ADGRB3: variants seen among roughly 807,000 people sequenced by gnomAD.
The protein encoded by ADGRB3 is adhesion G protein-coupled receptor B3.
A neutral mutation model predicts 193.4 loss-of-function variants in ADGRB3; 37 were observed. The ratio of observed to expected loss-of-function variants is 0.19; its 90% CI spans 0.15 to 0.25. The LOEUF is 0.25. ADGRB3 is among the 10% of genes least tolerant of loss of function. The pLI, the probability that ADGRB3 is intolerant of heterozygous loss-of-function variation, is 1.00. For synonymous variants in ADGRB3, 690 were observed against 644.2 expected, an observed-to-expected ratio of 1.07 and a Z score of -1.08; for missense variants, 1,637 against 1,852.9, an observed-to-expected ratio of 0.88 and a Z score of 2.14.
chr6:68,837,250 C>A (rs72901280), intron 3 of ADGRB3, among the ~76,000 whole-genome samples: 4,713 of 152,240 alleles, frequency 0.031, 107 homozygotes, highest in Non-Finnish European at 0.045. Context: ...AAACCTGCTG[C>A]TTTTGATACT....
intron 3 of ADGRB3, among the ~76,000 whole-genome samples, chr6:68,798,808 G>GT (rs1488198013): frequency 3.3e-5 from 5 of 152,344 alleles, no homozygotes; most frequent in Admixed American, 3.3e-4. Flanking sequence ...AAGCAAGTTA[G>GT]TGGGTTCAGG....
intron 3 of ADGRB3, among the ~76,000 whole-genome samples, chr6:68,844,455 A>C (rs1047324162): frequency 6.6e-6 from 1 of 152,210 alleles, no homozygotes; most frequent in Non-Finnish European, 1.5e-5. Context: ...ATTATCTCAC[A>C]CAAGTTAAAT....
chr6:69,211,714 A>G (rs540278502), intron 17 of ADGRB3, among the ~76,000 whole-genome samples: 4 of 152,286 alleles, frequency 2.6e-5, no homozygotes, highest in South Asian at 2.1e-4. Context: ...TTTTACAGCT[A>G]TATTCCCAGG....
chr6:68,987,531 A>G (rs1769114719), intron 10 of ADGRB3, among the ~76,000 whole-genome samples: 1 of 152,166 alleles, frequency 6.6e-6, no homozygotes, highest in South Asian at 2.1e-4. Flanking sequence ...TAAACATACG[A>G]ACACATTTAA....
At chr6:69,039,227 TAA>T (rs1178758436) in intron 13 of ADGRB3, among the ~76,000 whole-genome samples, 1 of 148,098 alleles carries the variant, frequency 6.8e-6, no homozygotes, top group Non-Finnish European at 1.5e-5. Context: ...GGAAAAAAGT[TAA>T]AGTTTCCAAG....
chr6:68,675,764 C>T (rs1769072980), intron 3 of ADGRB3, among the ~76,000 whole-genome samples: 1 of 152,142 alleles, frequency 6.6e-6, no homozygotes, highest in Non-Finnish European at 1.5e-5. Context: ...GTGGAAGAGC[C>T]CTCAGTGACT....
intron 3 of ADGRB3, among the ~76,000 whole-genome samples, chr6:68,896,941 C>T (rs1026011642): frequency 2.0e-5 from 3 of 152,012 alleles, no homozygotes; most frequent in Non-Finnish European, 2.9e-5. Context: ...ACCAGTAAAT[C>T]TCTTGGCCCC....
intron 3 of ADGRB3, among the ~76,000 whole-genome samples, chr6:68,741,051 C>T (rs1266485513): frequency 1.3e-5 from 2 of 151,672 alleles, no homozygotes; most frequent in African/African-American, 4.9e-5. Flanking sequence ...AACTTTGGGA[C>T]AAACATGGAA....
At chr6:69,181,019 C>G (rs1353597302) in intron 17 of ADGRB3, among the ~76,000 whole-genome samples, 2 of 152,182 alleles carry the variant, frequency 1.3e-5, no homozygotes, top group African/African-American at 4.8e-5. Flanking sequence ...AACGTACTCC[C>G]TCAGCCTACT....
chr6:69,100,648 A>G (rs1773004697), intron 17 of ADGRB3, among the ~76,000 whole-genome samples: 1 of 152,036 alleles, frequency 6.6e-6, no homozygotes, highest in African/African-American at 2.4e-5. Flanking sequence ...TCATGCCCTG[A>G]TACTATTCCA....
chr6:68,785,172 G>T (rs6902378), intron 3 of ADGRB3, among the ~76,000 whole-genome samples: 40,215 of 151,670 alleles, frequency 0.27, 5,932 homozygotes, highest in Middle Eastern at 0.34. Context: ...TATTATTATT[G>T]TACTTTAAGT....
At chr6:69,345,764 G>C (rs1290879524) in intron 26 of ADGRB3, among the ~76,000 whole-genome samples, 1 of 152,058 alleles carries the variant, frequency 6.6e-6, no homozygotes, top group Non-Finnish European at 1.5e-5. Flanking sequence ...GGGCAATTGG[G>C]CAAGAGAAAG....
At chr6:69,079,191 C>A (rs1259197980) in intron 17 of ADGRB3, among the ~76,000 whole-genome samples, 1 of 151,942 alleles carries the variant, frequency 6.6e-6, no homozygotes, top group Non-Finnish European at 1.5e-5. Flanking sequence ...CATCTTTAGA[C>A]AATTTAGAAA....
At chr6:69,319,820 G>A (rs537925182) in intron 20 of ADGRB3, among the ~76,000 whole-genome samples, 2 of 151,406 alleles carry the variant, frequency 1.3e-5, no homozygotes, top group East Asian at 3.9e-4. Context: ...TGGGTTTGAA[G>A]TATGTCACAT....
chr6:69,116,175 T>C (rs969761773), intron 17 of ADGRB3, among the ~76,000 whole-genome samples: 2 of 152,210 alleles, frequency 1.3e-5, no homozygotes, highest in Non-Finnish European at 2.9e-5. Flanking sequence ...CTTCAACTGG[T>C]TAGATGAGGC....
chr6:69,346,061 G>A (rs907432379), intron 26 of ADGRB3, among the ~76,000 whole-genome samples: 47 of 152,230 alleles, frequency 3.1e-4, no homozygotes, highest in African/African-American at 1.1e-3. Flanking sequence ...CCTCTTCAAG[G>A]AGAACTACAA....
intron 6 of ADGRB3, among the ~76,000 whole-genome samples, chr6:68,950,824 A>G (rs1767897137): frequency 6.6e-6 from 1 of 152,256 alleles, no homozygotes. Context: ...GTCCTCCAAT[A>G]TTTCACAGTA....
intron 17 of ADGRB3, among the ~76,000 whole-genome samples, chr6:69,152,746 T>C (rs1774716444): frequency 6.6e-6 from 1 of 152,244 alleles, no homozygotes; most frequent in Admixed American, 6.5e-5. Context: ...AGTGGCATTT[T>C]TCATTAATTT....
At chr6:68,787,605 C>G (rs2127364627) in intron 3 of ADGRB3, among the ~76,000 whole-genome samples, 1 of 152,212 alleles carries the variant, frequency 6.6e-6, no homozygotes, top group African/African-American at 2.4e-5. Context: ...GAATATTGGT[C>G]TAAAATTCTG....
Sources: gnomAD v4.1 joint callset for allele counts (sites outside exome capture counted in the v4.1 genomes callset) on GRCh38, gnomAD v4.1.1 for gene constraint, MANE v1.5 for transcripts, NCBI Gene and HGNC (gene_info 2026-07-23, HGNC 2026-07-21) for gene names.